CACNB2: variants seen among roughly 807,000 people sequenced by gnomAD.
CACNB2 encodes calcium voltage-gated channel auxiliary subunit beta 2.
CACNB2 carries 42 observed loss-of-function variants against 73.3 expected under a neutral mutation model. The ratio of observed to expected loss-of-function variants is 0.57; its 90% CI spans 0.45 to 0.74. CACNB2 has a LOEUF of 0.74. Ranked by LOEUF, CACNB2 falls within the 30% of genes least tolerant of loss-of-function variation. CACNB2 has a pLI of 0.00. For synonymous variants in CACNB2, 348 were observed against 310.3 expected, an observed-to-expected ratio of 1.12 and a Z score of -1.28; for missense variants, 940 against 853.0, an observed-to-expected ratio of 1.10 and a Z score of -1.27.
intron 2 of CACNB2, among the ~76,000 whole-genome samples, chr10:18,272,979 A>C (rs1251225993): frequency 1.3e-5 from 2 of 152,326 alleles, no homozygotes; most frequent in African/African-American, 4.8e-5. Flanking sequence ...TCTGAATCTC[A>C]GGGATGGATC....
chr10:18,276,277 G>A (rs529497526), intron 2 of CACNB2, among the ~76,000 whole-genome samples: 2 of 152,322 alleles, frequency 1.3e-5, no homozygotes, highest in South Asian at 4.1e-4. Context: ...TATTGGAAAC[G>A]TCAATCGTGT....
chr10:18,291,978 A>G (rs886517288), intron 2 of CACNB2, among the ~76,000 whole-genome samples: 1 of 152,184 alleles, frequency 6.6e-6, no homozygotes, highest in African/African-American at 2.4e-5. Context: ...ACTATAAGAC[A>G]TGTAAACACT....
At chr10:18,272,928 A>G (rs911878496) in intron 2 of CACNB2, among the ~76,000 whole-genome samples, 7 of 152,152 alleles carry the variant, frequency 4.6e-5, no homozygotes, top group African/African-American at 1.7e-4. Flanking sequence ...TTGGTCCCCA[A>G]AAAAATGCAG....
At chr10:18,293,629 T>G (rs1368794648) in intron 2 of CACNB2, among the ~76,000 whole-genome samples, 1 of 152,222 alleles carries the variant, frequency 6.6e-6, no homozygotes, top group Non-Finnish European at 1.5e-5. Flanking sequence ...TGGCTAAAAA[T>G]TTAGGAGCAC....
intron 2 of CACNB2, among the ~76,000 whole-genome samples, chr10:18,248,665 A>T (rs1757213): frequency 6.6e-6 from 1 of 152,174 alleles, no homozygotes; most frequent in Non-Finnish European, 1.5e-5. Flanking sequence ...GGACATATCC[A>T]ATATCACTCT....
intron 2 of CACNB2, among the ~76,000 whole-genome samples, chr10:18,199,940 A>ACT (rs1344874589): frequency 2.0e-5 from 1 of 49,758 alleles, no homozygotes; most frequent in Non-Finnish European, 4.9e-5. Flanking sequence ...TGTATATGAA[A>ACT]CTGTGTGTGT....
At chr10:18,273,644 C>T (rs904199181) in intron 2 of CACNB2, among the ~76,000 whole-genome samples, 4 of 152,126 alleles carry the variant, frequency 2.6e-5, no homozygotes, top group Non-Finnish European at 5.9e-5. Context: ...ACAGAATTGC[C>T]TTTCCAGTAG....
chr10:18,300,054 T>C (rs1474991705), intron 2 of CACNB2, among the ~76,000 whole-genome samples: 1 of 151,754 alleles, frequency 6.6e-6, no homozygotes, highest in Non-Finnish European at 1.5e-5. Context: ...GGAGTTTCAC[T>C]CTTCTTCCCC....
chr10:18,292,997 G>A (rs1395588914), intron 2 of CACNB2, among the ~76,000 whole-genome samples: 2 of 152,120 alleles, frequency 1.3e-5, no homozygotes, highest in Non-Finnish European at 2.9e-5. Context: ...TTTTGGTCAA[G>A]AGATAACGTT....
In CACNB2 at chr10:18,287,721, C is replaced by T. The variant is rs114500784; in HGVS notation, c.214-114203C>T. Among the ~76,000 whole-genome samples, 408 of 152,208 alleles carry T rather than the reference C, an allele frequency of 2.7e-3. 1 individual carries two copies. The highest frequency in any genetic ancestry group is 9.2e-3 in the African/African-American group (384 of 41,552). ...CAAAAATCGGCTGGGCACGATGGCA[C>T]GCCCTGTAGTCTCAGCTACTTAAGA... On this transcript the variant is annotated intron_variant, in intron 2 of 13. Coordinates refer to ENST00000324631, the MANE Select transcript of CACNB2 (RefSeq NM_201596.3).
chr10:18,167,146 C>T (rs938980562), intron 2 of CACNB2, among the ~76,000 whole-genome samples: 2 of 152,160 alleles, frequency 1.3e-5, no homozygotes, highest in East Asian at 1.9e-4. Context: ...TCTTTCACAG[C>T]GACATGAGTG....
intron 2 of CACNB2, among the ~76,000 whole-genome samples, chr10:18,169,082 A>T (rs1190410443): frequency 1.3e-5 from 2 of 152,230 alleles, no homozygotes; most frequent in African/African-American, 4.8e-5. Flanking sequence ...TACTAATAAT[A>T]GCTGTAATAG....
At chr10:18,535,783 A>G (rs2053512569) in intron 11 of CACNB2, among the ~76,000 whole-genome samples, 1 of 151,022 alleles carries the variant, frequency 6.6e-6, no homozygotes, top group African/African-American at 2.4e-5. Context: ...AAAAATATAT[A>G]TATATATATT....
chr10:18,155,479 C>A (rs1177852945), intron 2 of CACNB2, among the ~76,000 whole-genome samples: 1 of 152,182 alleles, frequency 6.6e-6, no homozygotes, highest in Non-Finnish European at 1.5e-5. Context: ...AGACATTGGG[C>A]CATTTCCAGT....
Position 18,539,290 on chromosome 10 carries a change from G to A in CACNB2, c.1549G>A (p.Glu517Lys). 1.2e-6 allele frequency: 2 copies of A among 1,613,786 alleles called. No individual in the cohort carries two copies. Among genetic ancestry groups the A allele is most frequent in the Non-Finnish European group, 1.7e-6 (2 of 1,179,938 alleles). Residue 517 changes from glutamate to lysine, a missense_variant, in exon 14 of 14, where the codon GAA (glutamate) becomes AAA (lysine). By Grantham distance (56) the Glu-to-Lys change is moderately conservative. Coordinates refer to ENST00000324631, the MANE Select transcript of CACNB2 (RefSeq NM_201596.3). The part of the protein sequence containing the change: ...SAPIRSASQA[E>K]EEPSVEPVKK... Reference sequence around the variant, plus strand: ...TCCTATCCGTTCTGCTTCCCAAGCTGAAGAAGAACCTAGTGTGGAACCAGT... The same window carrying A: ...TCCTATCCGTTCTGCTTCCCAAGCTAAAGAAGAACCTAGTGTGGAACCAGT...
chr10:18,168,950 A>G (rs2033050494), intron 2 of CACNB2, among the ~76,000 whole-genome samples: 1 of 152,206 alleles, frequency 6.6e-6, no homozygotes, highest in South Asian at 2.1e-4. Flanking sequence ...TTTTTAATAC[A>G]GTCTAACAGC....
intron 3 of CACNB2, among the ~76,000 whole-genome samples, chr10:18,443,103 C>T (rs1373551840): frequency 6.7e-6 from 1 of 148,866 alleles, no homozygotes; most frequent in African/African-American, 2.5e-5. Flanking sequence ...ATTTTTTCTA[C>T]ACATTTTTGT....
intron 1 of CACNB2, chr10:18,141,268 GC>G (rs1483670482): frequency 2.1e-5 from 29 of 1,395,946 alleles, no homozygotes; most frequent in Non-Finnish European, 3.0e-6. Flanking sequence ...TTTCTACGAT[GC>G]CGACTCTCCT....
chr10:18,476,869 A>C (rs1057012744), intron 3 of CACNB2, among the ~76,000 whole-genome samples: 9 of 152,100 alleles, frequency 5.9e-5, no homozygotes, highest in African/African-American at 1.7e-4. Context: ...TTATTTAAAA[A>C]ACTAGCCATG....
Sources: allele counts gnomAD v4.1 joint callset (sites outside exome capture counted in the v4.1 genomes callset), GRCh38; gene constraint gnomAD v4.1.1; transcripts MANE v1.5; gene names NCBI Gene and HGNC (gene_info 2026-07-23, HGNC 2026-07-21).